Variants in CADM2 observed in about 807,000 individuals in gnomAD.
CADM2 encodes the protein immunoglobulin superfamily member 4D.
CADM2 carries 12 observed loss-of-function variants against 49.8 expected under a neutral mutation model. That is an observed-to-expected ratio of 0.24 (90% confidence interval 0.15 to 0.39). The LOEUF (loss-of-function observed/expected upper bound fraction) is 0.39, where lower values mean the gene tolerates loss of function less well. Ranked by LOEUF, CADM2 falls within the 10% of genes least tolerant of loss-of-function variation. The probability of loss-of-function intolerance (pLI) is 1.00; values close to 1 mark genes in which losing one functional copy is unlikely to be tolerated. For missense variants in CADM2, 378 were observed against 492.3 expected (o/e 0.77, Z 2.20); for synonymous variants, 214 against 175.4 (o/e 1.22, Z -1.74).
chr3:85,904,303 A>G (rs937487933), intron 5 of CADM2, among the ~76,000 whole-genome samples: 1 of 152,210 alleles, frequency 6.6e-6, no homozygotes, highest in African/African-American at 2.4e-5. Flanking sequence ...GGGTGAAAGA[A>G]GAGAGTCCCA....
At chr3:85,330,859 G>A (rs2044900603) in intron 1 of CADM2, among the ~76,000 whole-genome samples, 1 of 151,864 alleles carries the variant, frequency 6.6e-6, no homozygotes, top group African/African-American at 2.4e-5. Flanking sequence ...CTACTCAGGA[G>A]GCTGAGGTGG....
At chr3:85,319,990 T>G (rs2044560066) in intron 1 of CADM2, among the ~76,000 whole-genome samples, 1 of 152,142 alleles carries the variant, frequency 6.6e-6, no homozygotes, top group Non-Finnish European at 1.5e-5. Flanking sequence ...AAATCCCTCC[T>G]TTACAGATAG....
intron 1 of CADM2, among the ~76,000 whole-genome samples, chr3:85,161,844 C>G (rs1278976805): frequency 6.6e-6 from 1 of 151,914 alleles, no homozygotes; most frequent in African/African-American, 2.4e-5. Context: ...ATGGTGAAAC[C>G]CATCTCTACT....
rs1019352134 is a variant in CADM2 at position 85,078,955 on chromosome 3, T to A, written c.61+119287T>A. Among the ~76,000 whole-genome samples, 10 of 151,838 alleles carry A rather than the reference T, an allele frequency of 6.6e-5. No individual in the cohort carries two copies. In the East Asian group the frequency reaches 1.9e-3, roughly 29 times the overall value. On this transcript the variant is annotated intron_variant, in intron 1 of 9. Transcript: ENST00000383699. ...TAACATTATCACTGTTGTAACTACC[T>A]TATAAAAAAAAGAGGCCATTATAAG... is the stretch of plus-strand genomic sequence containing the variant.
At chr3:85,682,949 T>C (rs1314844081) in intron 1 of CADM2, among the ~76,000 whole-genome samples, 1 of 152,092 alleles carries the variant, frequency 6.6e-6, no homozygotes, top group African/African-American at 2.4e-5. Flanking sequence ...GTGAATAATA[T>C]GCCCAAAGGT....
In CADM2 at chr3:85,999,658, A is replaced by G. The variant is rs1729914964; in HGVS notation, c.970+38011A>G. ...GAAAGAAAGAAAGAAAGGAAAGAAA[A>G]AAGAAAGAAAGAAAGAAAAAGAAAG... On this transcript the variant is annotated intron_variant, in intron 8 of 9. Transcript: ENST00000383699. 2.7e-5 allele frequency among the ~76,000 whole-genome samples: 4 copies of G among 148,692 alleles called. No individual in the cohort carries two copies. In the South Asian group the frequency reaches 6.2e-4, roughly 23 times the overall value.
intron 1 of CADM2, among the ~76,000 whole-genome samples, chr3:85,685,921 G>T: frequency 1.3e-5 from 2 of 152,242 alleles, no homozygotes; most frequent in South Asian, 4.1e-4. Flanking sequence ...ACCACGCCTG[G>T]CCTTTATTTC....
chr3:85,758,907 T>A (rs1485798875), intron 2 of CADM2, among the ~76,000 whole-genome samples: 1 of 152,044 alleles, frequency 6.6e-6, no homozygotes, highest in Non-Finnish European at 1.5e-5. Context: ...TAATATATAT[T>A]GCTGAGCATG....
intron 3 of CADM2, among the ~76,000 whole-genome samples, chr3:85,815,658 T>C (rs2073162285): frequency 2.0e-5 from 3 of 152,180 alleles, no homozygotes; most frequent in Admixed American, 2.0e-4. Context: ...GGGCAGAAGC[T>C]GGAAGCATTC....
chr3:85,857,990 A>G lies in CADM2; in HGVS notation c.239-25301A>G, dbSNP rs555213344. On this transcript the variant is annotated intron_variant, in intron 3 of 9. Coordinates refer to ENST00000383699, the MANE Select transcript of CADM2 (RefSeq NM_001167675.2). ...AGGGGAATATAATAATAAGCTGACT[A>G]TTGACCCTACCATTAACTTTCAGTC... is the stretch of plus-strand genomic sequence containing the variant. 3.9e-5 allele frequency among the ~76,000 whole-genome samples: 6 copies of G among 152,304 alleles called. No individual in the cohort carries two copies. The South Asian group carries it at 1.0e-3, about 26-fold the overall frequency.
chr3:85,890,968 G>T (rs1714354596), intron 5 of CADM2, among the ~76,000 whole-genome samples: 1 of 152,168 alleles, frequency 6.6e-6, no homozygotes, highest in Admixed American at 6.5e-5. Flanking sequence ...TCATGAAAGA[G>T]CTTTTATTCC....
At chr3:85,689,229 C>G (rs767150923) in intron 1 of CADM2, among the ~76,000 whole-genome samples, 1 of 152,042 alleles carries the variant, frequency 6.6e-6, no homozygotes, top group South Asian at 2.1e-4. Context: ...AATGACAGAA[C>G]GATCACGGGA....
chr3:85,631,654 T>G (rs1047935825), intron 1 of CADM2, among the ~76,000 whole-genome samples: 5 of 152,234 alleles, frequency 3.3e-5, no homozygotes, highest in African/African-American at 1.2e-4. Context: ...TACTTAATAT[T>G]AAATGTGTAC....
intron 1 of CADM2, among the ~76,000 whole-genome samples, chr3:85,026,688 A>C (rs1444926462): frequency 2.0e-5 from 3 of 152,204 alleles, no homozygotes; most frequent in Non-Finnish European, 4.4e-5. Flanking sequence ...ACCAAACATG[A>C]AAACATCCTT....
At chr3:85,064,231 C>T (rs2036440822) in intron 1 of CADM2, among the ~76,000 whole-genome samples, 1 of 152,002 alleles carries the variant, frequency 6.6e-6, no homozygotes. Flanking sequence ...ACTCATTCTC[C>T]AAAGAGTACT....
Position 85,818,039 on chromosome 3 carries a change from T to C in CADM2, c.238+15843T>C, listed in dbSNP as rs577397835. Among the ~76,000 whole-genome samples the C allele has an allele frequency of 2.0e-5, 3 of 152,290 alleles. No homozygotes were observed. The South Asian group carries it at 6.2e-4, about 32-fold the overall frequency. ...TTCTATCTAGGAAGTTGAGATCTTA[T>C]ATACTCCTTTTAGAACAAAAATGGC... On this transcript the variant is annotated intron_variant, in intron 3 of 9. Transcript: ENST00000383699.
intron 1 of CADM2, among the ~76,000 whole-genome samples, chr3:85,456,498 T>C (rs1348590515): frequency 2.6e-5 from 4 of 152,208 alleles, no homozygotes; most frequent in African/African-American, 9.6e-5. Flanking sequence ...CTTAAGCAAG[T>C]TTCCAAAATA....
intron 1 of CADM2, among the ~76,000 whole-genome samples, chr3:85,206,961 A>G (rs1242106052): frequency 7.0e-6 from 1 of 142,806 alleles, no homozygotes; most frequent in Non-Finnish European, 1.5e-5. Context: ...ATTTAAGGCC[A>G]TAACCTCCCC....
intron 1 of CADM2, among the ~76,000 whole-genome samples, chr3:85,417,292 G>A (rs1267963101): frequency 6.6e-6 from 1 of 152,046 alleles, no homozygotes; most frequent in Non-Finnish European, 1.5e-5. Flanking sequence ...AAATCCTGAA[G>A]TTTGTTTTAT....
Sources: gnomAD v4.1 joint callset for allele counts (sites outside exome capture counted in the v4.1 genomes callset) on GRCh38, gnomAD v4.1.1 for gene constraint, MANE v1.5 for transcripts, NCBI Gene and HGNC (gene_info 2026-07-23, HGNC 2026-07-21) for gene names.